Variants in PKD2L2 observed in about 807,000 individuals in gnomAD.
PKD2L2 encodes the protein polycystin 2 like 2, transient receptor potential cation channel.
PKD2L2 carries 67 observed loss-of-function variants against 83.9 expected under a neutral mutation model. That is an observed-to-expected ratio of 0.80 (90% CI 0.66 to 0.98). The LOEUF (loss-of-function observed/expected upper bound fraction) is 0.98, where lower values mean the gene tolerates loss of function less well. Among genes scored for constraint, PKD2L2 ranks in the 50% least tolerant of loss-of-function variants. The pLI, the probability that PKD2L2 is intolerant of heterozygous loss-of-function variation, is 0.00. For missense variants in PKD2L2, 632 were observed against 717.2 expected (o/e 0.88, Z 1.36); for synonymous variants, 223 against 237.8 (o/e 0.94, Z 0.57).
intron 7 of PKD2L2, 118 bp from the exon 8 acceptor site, chr5:137,908,647 C>A: frequency 1.7e-6 from 1 of 590,952 alleles, no homozygotes; most frequent in South Asian, 2.4e-5. Flanking sequence ...CCTCAAACAC[C>A]CATGATTATC....
intron 12 of PKD2L2, among the ~76,000 whole-genome samples, chr5:137,935,002 C>T (rs958739448): frequency 6.6e-6 from 1 of 152,198 alleles, no homozygotes. Context: ...TAGGCATCAC[C>T]ATCCTCTCTG....
At chr5:137,895,943 G>A (rs1245219802) in intron 4 of PKD2L2, among the ~76,000 whole-genome samples, 5 of 151,130 alleles carry the variant, frequency 3.3e-5, no homozygotes, top group South Asian at 4.2e-4. Context: ...TTGGGAGGCC[G>A]AGGCGGGCGG....
intron 8 of PKD2L2, among the ~76,000 whole-genome samples, chr5:137,915,281 C>T (rs985959479): frequency 1.6e-4 from 25 of 152,002 alleles, no homozygotes; most frequent in African/African-American, 6.0e-4. Flanking sequence ...GGAAGCATTC[C>T]CTTCTCTTCC....
chr5:137,900,144 C>T (rs896434956), intron 5 of PKD2L2, among the ~76,000 whole-genome samples: 56 of 152,190 alleles, frequency 3.7e-4, no homozygotes, highest in African/African-American at 1.4e-3. Context: ...AGTACTATAT[C>T]ATAACTGCAT....
At chr5:137,921,850 C>T in intron 9 of PKD2L2, 94 bp downstream of exon 9, 2 of 952,276 alleles carry the variant, frequency 2.1e-6, no homozygotes, top group Non-Finnish European at 3.1e-6. Context: ...GCTCAGCTGT[C>T]AGAGTACTTT....
chr5:137,929,002 T>C (rs1449476789), intron 12 of PKD2L2, among the ~76,000 whole-genome samples: 2 of 152,262 alleles, frequency 1.3e-5, no homozygotes, highest in Non-Finnish European at 2.9e-5. Flanking sequence ...AATAATGTTA[T>C]GTCTTACAAA....
chr5:137,920,776 A>G (rs1340805656), intron 8 of PKD2L2, among the ~76,000 whole-genome samples: 2 of 150,898 alleles, frequency 1.3e-5, no homozygotes, highest in Non-Finnish European at 3.0e-5. Context: ...AAAAAATCAC[A>G]AAGAGGGTAA....
intron 13 of PKD2L2, 89 bp from the exon 14 acceptor site, chr5:137,936,231 C>A: frequency 2.6e-6 from 3 of 1,158,718 alleles, no homozygotes; most frequent in Non-Finnish European, 3.7e-6. Context: ...ACAATTCTAT[C>A]TTCCCAAAGC....
At chr5:137,921,598 T>G in intron 8 of PKD2L2, 38 bp from the exon 9 acceptor site, 1 of 1,328,880 alleles carries the variant, frequency 7.5e-7, no homozygotes, top group Non-Finnish European at 1.1e-6. Context: ...TGTATGTACA[T>G]AAAGGTATAT....
At chr5:137,906,480 C>T in intron 6 of PKD2L2, 46 bp downstream of exon 6, 1 of 927,470 alleles carries the variant, frequency 1.1e-6, no homozygotes, top group Non-Finnish European at 1.7e-6. Flanking sequence ...CACATCTGAA[C>T]CTACCAATGA....
At chr5:137,922,747 C>A (rs1032861360) in intron 9 of PKD2L2, among the ~76,000 whole-genome samples, 10 of 151,720 alleles carry the variant, frequency 6.6e-5, no homozygotes, top group Non-Finnish European at 1.3e-4. Context: ...CAAAAACAAA[C>A]AAAAAAATGC....
At chr5:137,941,102 G>A (rs1761638777) in intron 14 of PKD2L2, among the ~76,000 whole-genome samples, 1 of 151,968 alleles carries the variant, frequency 6.6e-6, no homozygotes, top group South Asian at 2.1e-4. Context: ...TAGAGACAGG[G>A]TTTCACTGTG....
chr5:137,894,465 G>A lies in PKD2L2; in HGVS notation c.380G>A (p.Gly127Glu). 1 of 1,613,800 alleles carries A rather than the reference G, an allele frequency of 6.2e-7. No individual in the cohort carries two copies. The highest frequency in any genetic ancestry group is 8.5e-7 in the Non-Finnish European group (1 of 1,179,890). The change falls in exon 4 of 15, where the codon GGA becomes GAA. Residue 127 changes from glycine (G) to glutamate (E), a missense_variant. This residue lies in a region of PKD2L2 where 229 missense variants were observed against 281.5 expected (regional missense o/e 0.81). Coordinates refer to ENST00000508883, the MANE Select transcript of PKD2L2 (RefSeq NM_001300921.2). ...SRIYYENILL[G>E]VPRVRQLKVR... is the part of the protein sequence containing the mutation. Reference sequence around the variant, plus strand: ...ATCTACTATGAAAATATACTTCTAGGAGTTCCCAGAGTTCGTCAACTAAAA... The same window carrying A: ...ATCTACTATGAAAATATACTTCTAGAAGTTCCCAGAGTTCGTCAACTAAAA...
At chr5:137,909,968 T>C (rs1241621338) in intron 8 of PKD2L2, among the ~76,000 whole-genome samples, 1 of 152,194 alleles carries the variant, frequency 6.6e-6, no homozygotes. Flanking sequence ...ATGGCACCTA[T>C]AATCCCAGCA....
In PKD2L2 at chr5:137,935,852, A is replaced by G; in HGVS notation, c.1727A>G (p.Tyr576Cys). The G allele has an allele frequency of 6.2e-7, 1 of 1,612,068 alleles. No individual in the cohort carries two copies. The highest frequency in any genetic ancestry group is 8.5e-7 in the Non-Finnish European group (1 of 1,178,156). ...KKWKERLEKK[Y>C]YSMEIQDDYQ... ...TGGAAAGAGAGGCTTGAGAAAAAGT[A>G]TTATTCTATGGAAATTCAAGATGAC... The change falls in exon 13 of 15, where the codon TAT becomes TGT. Residue 576 changes from tyrosine (Y) to cysteine (C), a missense_variant. Coordinates refer to ENST00000508883, the MANE Select transcript of PKD2L2 (RefSeq NM_001300921.2).
chr5:137,918,093 G>C (rs532234821), intron 8 of PKD2L2, among the ~76,000 whole-genome samples: 2 of 152,152 alleles, frequency 1.3e-5, no homozygotes, highest in Non-Finnish European at 2.9e-5. Context: ...CCAGACATTT[G>C]AATCTAATAA....
chr5:137,936,236 C>A, intron 13 of PKD2L2, 84 bp from the exon 14 acceptor site: 2 of 1,221,736 alleles, frequency 1.6e-6, no homozygotes, highest in Admixed American at 2.0e-5. Context: ...TCTATCTTCC[C>A]AAAGCATTTC....
chr5:137,931,528 T>C (rs1047772696), intron 12 of PKD2L2, among the ~76,000 whole-genome samples: 3 of 152,160 alleles, frequency 2.0e-5, no homozygotes, highest in Admixed American at 1.3e-4. Flanking sequence ...TGGTTCAAAA[T>C]TGGGTAATCA....
chr5:137,909,658 C>T (rs1413380701), intron 8 of PKD2L2, among the ~76,000 whole-genome samples: 2 of 151,230 alleles, frequency 1.3e-5, no homozygotes, highest in African/African-American at 2.4e-5. Flanking sequence ...AGTCCTCCCA[C>T]CTCAGCCTCC....
Sources: allele counts gnomAD v4.1 joint callset (sites outside exome capture counted in the v4.1 genomes callset), GRCh38; gene constraint gnomAD v4.1.1; regional missense constraint gnomAD v4.1.1; transcripts MANE v1.5; gene names NCBI Gene and HGNC (gene_info 2026-07-23, HGNC 2026-07-21).